SLC20A2: variants seen among roughly 807,000 people sequenced by gnomAD.
SLC20A2 encodes solute carrier family 20 member 2, also known as sodium-dependent phosphate transporter 2.
In SLC20A2, 30 loss-of-function variants were observed where a neutral mutation model predicts 61.0. The observed-to-expected ratio is 0.49, with a 90% CI of 0.37 to 0.67. The LOEUF (loss-of-function observed/expected upper bound fraction) is 0.67, where lower values mean the gene tolerates loss of function less well. Among genes scored for constraint, SLC20A2 ranks in the 30% least tolerant of loss-of-function variants. The probability of loss-of-function intolerance (pLI) is 0.00; values close to 1 mark genes in which losing one functional copy is unlikely to be tolerated. For synonymous variants in SLC20A2, 351 were observed against 353.3 expected (o/e 0.99, Z 0.07); for missense variants, 626 against 866.4 (o/e 0.72, Z 3.48).
At chr8:42,492,021 G>A (rs1809553027) in intron 1 of SLC20A2, among the ~76,000 whole-genome samples, 1 of 152,172 alleles carries the variant, frequency 6.6e-6, no homozygotes, top group Non-Finnish European at 1.5e-5. Context: ...ACTATTGAGT[G>A]AAGGTGTTTA....
In SLC20A2 at chr8:42,444,634, A is replaced by G; in HGVS notation, c.730+12T>C. ...GCATTTCTGTAAATCAGAAGAATTA[A>G]AAGGCCCATACCTGTTATTTTCCTC... On this transcript the variant is annotated intron_variant, in intron 6 of 10. Transcript: ENST00000520262. 1 of 1,596,748 alleles carries G rather than the reference A, an allele frequency of 6.3e-7. No homozygotes were observed. The highest frequency in any genetic ancestry group is 1.1e-5 in the South Asian group (1 of 90,710).
chr8:42,470,743 G>T (rs901840920), intron 2 of SLC20A2, among the ~76,000 whole-genome samples: 2 of 152,104 alleles, frequency 1.3e-5, no homozygotes, highest in African/African-American at 4.8e-5. Context: ...AGAGGTGATG[G>T]TGGGTGGATT....
At chr8:42,508,205 G>A (rs975719343) in intron 1 of SLC20A2, among the ~76,000 whole-genome samples, 1 of 152,110 alleles carries the variant, frequency 6.6e-6, no homozygotes, top group South Asian at 2.1e-4. Context: ...CAGGTGCAGT[G>A]GCTCACACCT....
chr8:42,490,114 T>A (rs1482458693), intron 1 of SLC20A2, among the ~76,000 whole-genome samples: 1 of 152,216 alleles, frequency 6.6e-6, no homozygotes, highest in African/African-American at 2.4e-5. Flanking sequence ...TGCTAGTTAG[T>A]GGGGAGATAG....
At chr8:42,525,540 C>T (rs1811871718) in intron 1 of SLC20A2, among the ~76,000 whole-genome samples, 1 of 140,014 alleles carries the variant, frequency 7.1e-6, no homozygotes, top group Non-Finnish European at 1.5e-5. Flanking sequence ...TGAGATCGCA[C>T]CACTGCACTC....
chr8:42,439,119 C>T (rs1249865784), intron 7 of SLC20A2, among the ~76,000 whole-genome samples: 7 of 152,178 alleles, frequency 4.6e-5, no homozygotes, highest in Non-Finnish European at 1.0e-4. Context: ...GCTGGGTTAA[C>T]CAACGTTCAG....
chr8:42,467,707 C>A (rs780454502), intron 2 of SLC20A2, among the ~76,000 whole-genome samples: 1 of 152,138 alleles, frequency 6.6e-6, no homozygotes, highest in South Asian at 2.1e-4. Context: ...ATCCTTAAGG[C>A]GTGCGTTGGG....
At chr8:42,541,847 A>G (rs1458664516) in exon 1 of SLC20A2, 2 of 151,482 alleles carry the variant, frequency 1.3e-5, no homozygotes, top group Admixed American at 6.6e-5. Flanking sequence ...GCGGTCCCCG[A>G]AACTCCGAGC....
intron 1 of SLC20A2, among the ~76,000 whole-genome samples, chr8:42,481,796 T>G (rs932943996): frequency 7.2e-5 from 11 of 152,274 alleles, no homozygotes; most frequent in African/African-American, 2.6e-4. Flanking sequence ...GGCGTTTGGT[T>G]CTCTAGCTAA....
At chr8:42,455,265 G>T (rs1431715393) in intron 5 of SLC20A2, among the ~76,000 whole-genome samples, 2,092 of 78,554 alleles carry the variant, frequency 0.027, 55 homozygotes, top group African/African-American at 0.063. Flanking sequence ...TATAGAGAGA[G>T]AGAGAGAGAG....
At chr8:42,456,799 A>G (rs1417657751) in intron 5 of SLC20A2, among the ~76,000 whole-genome samples, 2 of 151,686 alleles carry the variant, frequency 1.3e-5, no homozygotes, top group Non-Finnish European at 2.9e-5. Context: ...CTTCCAACCC[A>G]GTGCTCCAGG....
chr8:42,436,041 G>C (rs1804222960), intron 8 of SLC20A2, among the ~76,000 whole-genome samples: 1 of 152,086 alleles, frequency 6.6e-6, no homozygotes, highest in Non-Finnish European at 1.5e-5. Flanking sequence ...ACTTGAACTT[G>C]GGAGAAGGAG....
chr8:42,512,996 G>A (rs890609921), intron 1 of SLC20A2, among the ~76,000 whole-genome samples: 1 of 152,180 alleles, frequency 6.6e-6, no homozygotes, highest in Non-Finnish European at 1.5e-5. Context: ...GTATCCAACA[G>A]AGTATCTCTG....
At chr8:42,465,691 A>G in intron 3 of SLC20A2, 86 bp downstream of exon 3, 1 of 597,862 alleles carries the variant, frequency 1.7e-6, no homozygotes, top group Non-Finnish European at 2.3e-6. Context: ...CTCCGGGTCA[A>G]AAAAAAAAAA....
At chr8:42,534,134 T>C (rs942299837) in intron 1 of SLC20A2, among the ~76,000 whole-genome samples, 5 of 151,872 alleles carry the variant, frequency 3.3e-5, no homozygotes, top group South Asian at 2.1e-4. Context: ...CTGGCCAATA[T>C]GGTGAAACCT....
In SLC20A2 at chr8:42,472,599, G is replaced by A. The variant is rs903619931; in HGVS notation, c.-209C>T. The A allele has an allele frequency of 9.4e-6, 5 of 530,492 alleles. No individual in the cohort carries two copies. The highest frequency in any genetic ancestry group is 9.4e-5 in the East Asian group (3 of 32,036). 32.9% of individuals were successfully genotyped at this position (530,492 alleles called of 1,614,324 possible). A position where few individuals can be genotyped will look rare whatever the true frequency, so the allele number is the denominator to read the frequency against. On this transcript the variant is annotated 5_prime_UTR_variant, in exon 2 of 11. Coordinates refer to ENST00000520262, the MANE Select transcript of SLC20A2 (RefSeq NM_001257180.2). The surrounding 1 kb of genome is among the most constrained non-coding windows in gnomAD (Gnocchi z 4.1). ...GTTCATTTGGTTGTGTTCAGTCAGC[G>A]GTAAAACACATTCCATATTTTTCCT...
chr8:42,533,662 T>TTG (rs1812511744), intron 1 of SLC20A2, among the ~76,000 whole-genome samples: 1 of 41,856 alleles, frequency 2.4e-5, no homozygotes. Context: ...TTCTTTTTTT[T>TTG]TTTTTTTTTT....
chr8:42,433,127 ATAG>A (rs987302025), intron 8 of SLC20A2, among the ~76,000 whole-genome samples: 6 of 152,318 alleles, frequency 3.9e-5, no homozygotes, highest in Admixed American at 1.3e-4. Context: ...ATTCTTATTT[ATAG>A]TTCAGCAGTG....
chr8:42,435,485 T>C (rs1804179142), intron 8 of SLC20A2, among the ~76,000 whole-genome samples: 1 of 152,020 alleles, frequency 6.6e-6, no homozygotes. Flanking sequence ...ATTTTACAGA[T>C]TGGGAAACGG....
Sources: allele counts gnomAD v4.1 joint callset (sites outside exome capture counted in the v4.1 genomes callset), GRCh38; gene constraint gnomAD v4.1.1; non-coding constraint Gnocchi (gnomAD v3.1); transcripts MANE v1.5; gene names NCBI Gene and HGNC (gene_info 2026-07-23, HGNC 2026-07-21).